The following SCNN1B variants were observed in gnomAD, a reference collection of about 807,000 sequenced individuals.
The protein encoded by SCNN1B is sodium channel epithelial 1 subunit beta.
Under a neutral mutation model 65.3 loss-of-function variants are expected in SCNN1B, and 46 were observed. That is an observed-to-expected ratio of 0.70 (90% confidence interval 0.56 to 0.90). SCNN1B has a LOEUF of 0.90. SCNN1B is among the 40% of genes least tolerant of loss of function. The probability of loss-of-function intolerance (pLI) is 0.00; values close to 1 mark genes in which losing one functional copy is unlikely to be tolerated. For missense variants in SCNN1B, 751 were observed against 830.5 expected (o/e 0.90, Z 1.18); for synonymous variants, 349 against 330.6 (o/e 1.06, Z -0.60).
rs951201984 is a variant in SCNN1B at position 23,348,296 on chromosome 16, C to G, written c.-8-296C>G. Among the ~76,000 whole-genome samples, 12 of 152,086 alleles carry G rather than the reference C, an allele frequency of 7.9e-5. No homozygotes were observed. Among genetic ancestry groups the G allele is most frequent in the African/African-American group, 2.7e-4 (11 of 41,396 alleles). On this transcript the variant is annotated intron_variant, in intron 1 of 12. Coordinates refer to ENST00000343070, the MANE Select transcript of SCNN1B (RefSeq NM_000336.3). This position sits in a 1 kb window ranked among gnomAD's most constrained non-coding sequence, Gnocchi z 4.5. ...ACTTGTTCACTAGGTTATGAATTCC[C>G]AAAGGGCAAAAAACCTTGTCCATTT...
chr16:23,289,278 C>G (rs1170798559), intron 2 of SCNN1B, among the ~76,000 whole-genome samples: 1 of 152,092 alleles, frequency 6.6e-6, no homozygotes, highest in Non-Finnish European at 1.5e-5. Context: ...GTGGAGGCTG[C>G]GTGTGGTAGC....
intron 4 of SCNN1B, among the ~76,000 whole-genome samples, chr16:23,357,549 C>T (rs368650646): frequency 2.0e-5 from 3 of 152,352 alleles, no homozygotes; most frequent in African/African-American, 7.2e-5. Context: ...CGCCACTACA[C>T]TTCAGCCTGG....
intron 1 of SCNN1B, among the ~76,000 whole-genome samples, chr16:23,334,222 G>A (rs549370996): frequency 2.0e-5 from 3 of 152,218 alleles, no homozygotes; most frequent in South Asian, 2.1e-4. Context: ...GTGTGGGAGT[G>A]TGGCTACCGC....
At position 23,355,595 on chromosome 16, in the gene SCNN1B, T is replaced by C; in HGVS notation, c.776+106T>C. ...CAGGGTTCCAATCCTGCCCAGCCAC[T>C]TACCGGCTATCTGCAGCACAGTTTT... On this transcript the variant is annotated intron_variant, in intron 4 of 12. Transcript: ENST00000343070. 2.6e-6 allele frequency: 3 copies of C among 1,133,310 alleles called. No homozygotes were observed. The Admixed American group carries it at 5.6e-5, about 21-fold the overall frequency. 70.2% of individuals were successfully genotyped at this position (1,133,310 alleles called of 1,614,324 possible). A position where few individuals can be genotyped will look rare whatever the true frequency, so the allele number is the denominator to read the frequency against.
chr16:23,344,204 AG>A (rs1962138289), intron 1 of SCNN1B, among the ~76,000 whole-genome samples: 1 of 152,264 alleles, frequency 6.6e-6, no homozygotes, highest in South Asian at 2.1e-4. Flanking sequence ...GGCTCTTAAA[AG>A]TAAGCCCAGT....
intron 4 of SCNN1B, among the ~76,000 whole-genome samples, chr16:23,367,473 T>C (rs1962692458): frequency 6.6e-6 from 1 of 152,092 alleles, no homozygotes; most frequent in Non-Finnish European, 1.5e-5. Flanking sequence ...ATTTTTGTAT[T>C]TTTTGTAGAG....
rs1214689642 is a variant in SCNN1B, at chr16:23,348,419, CAGAT to C, written c.-8-170_-8-167del. On this transcript the variant is annotated intron_variant, in intron 1 of 12. Transcript: ENST00000343070. This position sits in a 1 kb window ranked among gnomAD's most constrained non-coding sequence, Gnocchi z 4.5. Reference sequence around the variant, plus strand: ...ATTAGATGGATGGATGGATTGATGACAGATAGCCAAAGGAAGGAAGAAAAGAAGG... The same window carrying C: ...ATTAGATGGATGGATGGATTGATGACAGCCAAAGGAAGGAAGAAAAGAAGG... Among the ~76,000 whole-genome samples the C allele has an allele frequency of 7.8e-6, 1 of 127,460 alleles. No individual in the cohort carries two copies. The highest frequency in any genetic ancestry group is 1.1e-4 in the Admixed American group (1 of 9,070). The allele number at this position is 127,460 out of a possible 152,430, so 83.6% of individuals were successfully genotyped here. A position where few individuals can be genotyped will look rare whatever the true frequency, so the allele number is the denominator to read the frequency against.
intron 2 of SCNN1B, among the ~76,000 whole-genome samples, chr16:23,296,529 T>C (rs1960999406): frequency 6.6e-6 from 1 of 152,144 alleles, no homozygotes; most frequent in Admixed American, 6.5e-5. Context: ...GCTTTGTGGC[T>C]GTTAGGGCAA....
upstream of SCNN1B, among the ~76,000 whole-genome samples, chr16:23,299,066 T>TC (rs1327912861): frequency 1.3e-5 from 2 of 149,724 alleles, no homozygotes; most frequent in Non-Finnish European, 3.0e-5. Context: ...TTTCTTTTTT[T>TC]TTTTTTTTTT....
chr16:23,327,269 C>T (rs921203577), intron 1 of SCNN1B, among the ~76,000 whole-genome samples: 9 of 152,072 alleles, frequency 5.9e-5, no homozygotes, highest in African/African-American at 1.2e-4. Flanking sequence ...TGGTGGCTCA[C>T]GCCTGTAATC....
intron 1 of SCNN1B, among the ~76,000 whole-genome samples, chr16:23,305,733 T>C (rs868243499): frequency 2.0e-5 from 3 of 147,788 alleles, no homozygotes; most frequent in South Asian, 2.2e-4. Context: ...GGCAACAGAG[T>C]GAGACCCTGC....
chr16:23,299,571 C>T (rs1370510411), upstream of SCNN1B, among the ~76,000 whole-genome samples: 1 of 152,116 alleles, frequency 6.6e-6, no homozygotes, highest in African/African-American at 2.4e-5. Flanking sequence ...GGACATTTTC[C>T]CTGACAGTGC....
intron 2 of SCNN1B, among the ~76,000 whole-genome samples, chr16:23,292,382 A>T (rs1167035882): frequency 6.6e-6 from 1 of 151,270 alleles, no homozygotes; most frequent in African/African-American, 2.4e-5. Flanking sequence ...TATTTTTAGT[A>T]GAGACGGGGT....
At chr16:23,374,573 CAAAAA>C (rs1168924579) in intron 7 of SCNN1B, among the ~76,000 whole-genome samples, 3 of 48,326 alleles carry the variant, frequency 6.2e-5, no homozygotes, top group East Asian at 6.6e-4. Context: ...GACTCCATCT[CAAAAA>C]AAAAAAAAAA....
chr16:23,370,774 C>T (rs959818055), intron 5 of SCNN1B, among the ~76,000 whole-genome samples: 2 of 152,152 alleles, frequency 1.3e-5, no homozygotes, highest in Admixed American at 6.5e-5. Context: ...GACAGCATTC[C>T]AGAGCTAGGG....
At chr16:23,280,956 T>A (rs1161208047) in intron 1 of SCNN1B, among the ~76,000 whole-genome samples, 2 of 152,204 alleles carry the variant, frequency 1.3e-5, no homozygotes, top group Admixed American at 1.3e-4. Flanking sequence ...CTTCCTTACA[T>A]CCTGTAACAA....
rs573228478 is a variant in SCNN1B at position 23,372,067 on chromosome 16, G to A, written c.1152+184G>A. The A allele has an allele frequency of 1.2e-5, 8 of 658,736 alleles. No individual in the cohort carries two copies. In the East Asian group the frequency reaches 2.2e-4, roughly 18 times the overall value. 40.8% of individuals were successfully genotyped at this position (658,736 alleles called of 1,614,324 possible). On this transcript the variant is annotated intron_variant, in intron 7 of 12. Transcript: ENST00000343070. ...CCTGGGCTCTCTCACCAGGGCCTAG[G>A]GTTGGCCACTTCTCATCCCCACATT...
At chr16:23,341,958 C>A (rs1962063124) in intron 1 of SCNN1B, among the ~76,000 whole-genome samples, 1 of 152,122 alleles carries the variant, frequency 6.6e-6, no homozygotes, top group Admixed American at 6.5e-5. Flanking sequence ...CCATCAGACT[C>A]AGATCAGGAG....
At chr16:23,377,107 C>T in intron 8 of SCNN1B, 58 bp from the exon 9 acceptor site, 1 of 1,470,720 alleles carries the variant, frequency 6.8e-7, no homozygotes, top group Non-Finnish European at 9.4e-7. Context: ...CAGCAGGGAA[C>T]AGGGGCACCT....
Sources: allele counts gnomAD v4.1 joint callset (sites outside exome capture counted in the v4.1 genomes callset), GRCh38; gene constraint gnomAD v4.1.1; non-coding constraint Gnocchi (gnomAD v3.1); transcripts MANE v1.5; gene names NCBI Gene and HGNC (gene_info 2026-07-23, HGNC 2026-07-21).